CSMD1: variants seen among roughly 807,000 people sequenced by gnomAD.
The protein encoded by CSMD1 is CUB and sushi domain-containing protein 1.
CSMD1 carries 213 observed loss-of-function variants against 417.5 expected under a neutral mutation model. The ratio of observed to expected loss-of-function variants is 0.51; its 90% CI spans 0.46 to 0.57. The LOEUF (loss-of-function observed/expected upper bound fraction) is 0.57, where lower values mean the gene tolerates loss of function less well. Ranked by LOEUF, CSMD1 falls within the 20% of genes least tolerant of loss-of-function variation. The pLI is 0.00. For synonymous variants in CSMD1, 2,862 were observed against 1,736.8 expected (o/e 1.65, Z -16.11); for missense variants, 6,923 against 4,529.7 (o/e 1.53, Z -15.17).
At position 4,813,724 on chromosome 8, in the gene CSMD1, G is replaced by A. The variant is rs372963898; in HGVS notation, c.86-176166C>T. On this transcript the variant is annotated intron_variant, in intron 1 of 69. Transcript: ENST00000635120. ...CCTCAGTAATTCAAGATGGAAACAGGATAAACTACCGACATACAGACTTTA... is the reference window on the plus strand; with the variant it reads ...CCTCAGTAATTCAAGATGGAAACAGAATAAACTACCGACATACAGACTTTA... Among the ~76,000 whole-genome samples the A allele has an allele frequency of 2.6e-5, 4 of 152,262 alleles. No individual in the cohort carries two copies. In the East Asian group the frequency reaches 7.7e-4, roughly 29 times the overall value.
chr8:4,917,489 C>T (rs1376606832), intron 1 of CSMD1, among the ~76,000 whole-genome samples: 1 of 152,076 alleles, frequency 6.6e-6, no homozygotes, highest in Non-Finnish European at 1.5e-5. Flanking sequence ...AAAAAATTAG[C>T]CGGGCATGGT....
intron 18 of CSMD1, among the ~76,000 whole-genome samples, chr8:3,376,762 G>A (rs1363545807): frequency 2.0e-5 from 3 of 149,298 alleles, no homozygotes; most frequent in Admixed American, 6.8e-5. Context: ...TGAGTTTATC[G>A]TGTTTCATGT....
At chr8:3,059,844 G>C (rs1172775177) in intron 49 of CSMD1, among the ~76,000 whole-genome samples, 2 of 152,118 alleles carry the variant, frequency 1.3e-5, no homozygotes. Flanking sequence ...AGTGATTCAA[G>C]CAGTTGGATA....
intron 3 of CSMD1, among the ~76,000 whole-genome samples, chr8:4,388,902 C>T (rs1803652534): frequency 6.6e-6 from 1 of 152,108 alleles, no homozygotes. Context: ...TTCTCTCATC[C>T]AGCTATTTGT....
chr8:3,490,868 GAAA>G (rs151289632), intron 11 of CSMD1, among the ~76,000 whole-genome samples: 17,628 of 151,760 alleles, frequency 0.12, 1,321 homozygotes, highest in East Asian at 0.26. Flanking sequence ...AAAATAAAAA[GAAA>G]AAAATTTTTT....
chr8:3,682,634 T>G (rs148687973), intron 7 of CSMD1, among the ~76,000 whole-genome samples: 21,784 of 152,168 alleles, frequency 0.14, 1,760 homozygotes, highest in South Asian at 0.21. Context: ...GACAGTGTGG[T>G]GATTCCTCAG....
Position 4,420,027 on chromosome 8 carries a change from G to A in CSMD1, c.341C>T (p.Thr114Ile), listed in dbSNP as rs764874337. The change falls in exon 3 of 70, where the codon ACA (threonine) becomes ATA (isoleucine). Residue 114 changes from threonine (T) to isoleucine (I), a missense_variant. Coordinates refer to ENST00000635120, the MANE Select transcript of CSMD1 (RefSeq NM_033225.6). ...GFQLPSSIVSTGSILTLWFTT... is the reference protein window; with the variant it reads ...GFQLPSSIVSIGSILTLWFTT... ...GAACCACAGAGTGAGGATAGATCCT[G>A]TACTCACTATAGAGGAGGGCAGCTG... 6 of 1,581,542 alleles carry A rather than the reference G, an allele frequency of 3.8e-6. No homozygotes were observed. In the African/African-American group the frequency reaches 5.4e-5, roughly 14 times the overall value.
chr8:4,171,849 T>C (rs1424225630), intron 3 of CSMD1, among the ~76,000 whole-genome samples: 2 of 152,194 alleles, frequency 1.3e-5, no homozygotes, highest in Non-Finnish European at 2.9e-5. Context: ...ATGCCCATTA[T>C]GTGTGATTCT....
chr8:4,652,196 G>A (rs1317975564), intron 1 of CSMD1, among the ~76,000 whole-genome samples: 4 of 152,170 alleles, frequency 2.6e-5, no homozygotes, highest in African/African-American at 9.7e-5. Flanking sequence ...CATTAAATAG[G>A]AGTCTTCAAA....
At chr8:4,591,317 T>G (rs1799971637) in intron 2 of CSMD1, among the ~76,000 whole-genome samples, 1 of 152,186 alleles carries the variant, frequency 6.6e-6, no homozygotes, top group Non-Finnish European at 1.5e-5. Flanking sequence ...AAGTGAGTAA[T>G]TCTTTCTGGT....
chr8:3,424,956 C>T (rs270070), intron 12 of CSMD1, among the ~76,000 whole-genome samples: 33,341 of 152,038 alleles, frequency 0.22, 4,070 homozygotes, highest in Non-Finnish European at 0.28. Context: ...GACCTCAGCC[C>T]CTGGAGTGGC....
chr8:4,828,773 G>A (rs904188123), intron 1 of CSMD1, among the ~76,000 whole-genome samples: 4 of 152,118 alleles, frequency 2.6e-5, no homozygotes, highest in African/African-American at 7.2e-5. Context: ...TCATGCCTCA[G>A]TTTCTTTACC....
At position 3,905,509 on chromosome 8, in the gene CSMD1, G is replaced by C. The variant is rs181588168; in HGVS notation, c.818+92394C>G. ...ACGTGTGAAAGATCTCTGTGCACCT[G>C]CTACCCAGCGTTTCTCAACATTCAG... On this transcript the variant is annotated intron_variant, in intron 5 of 69. Transcript: ENST00000635120. Among the ~76,000 whole-genome samples, 31 of 152,348 alleles carry C rather than the reference G, an allele frequency of 2.0e-4. No individual in the cohort carries two copies. The East Asian group carries it at 5.8e-3, about 29-fold the overall frequency.
intron 2 of CSMD1, among the ~76,000 whole-genome samples, chr8:4,470,631 G>A (rs767283488): frequency 3.9e-5 from 6 of 152,146 alleles, no homozygotes; most frequent in Admixed American, 6.5e-5. Flanking sequence ...TTTCCTGTAC[G>A]TTAACCATTT....
chr8:3,069,428 C>A (rs528383648), intron 49 of CSMD1, among the ~76,000 whole-genome samples: 1 of 149,862 alleles, frequency 6.7e-6, no homozygotes, highest in Non-Finnish European at 1.5e-5. Flanking sequence ...GAGTGAGACT[C>A]TGTCTGAAAA....
At chr8:4,186,574 G>A (rs760852658) in intron 3 of CSMD1, among the ~76,000 whole-genome samples, 2 of 152,172 alleles carry the variant, frequency 1.3e-5, no homozygotes, top group Non-Finnish European at 2.9e-5. Flanking sequence ...AATAGGAAGG[G>A]TCTCAGCATT....
intron 3 of CSMD1, among the ~76,000 whole-genome samples, chr8:4,411,591 G>T (rs926416861): frequency 6.6e-6 from 1 of 152,032 alleles, no homozygotes; most frequent in East Asian, 1.9e-4. Context: ...CTAAATAACA[G>T]TTATACGGAG....
At chr8:4,632,802 A>T (rs1456406784) in intron 2 of CSMD1, among the ~76,000 whole-genome samples, 1 of 152,152 alleles carries the variant, frequency 6.6e-6, no homozygotes, top group Admixed American at 6.5e-5. Context: ...TGAAATAAAT[A>T]TAATGTGCAC....
At chr8:3,589,823 A>T (rs1388007811) in intron 8 of CSMD1, among the ~76,000 whole-genome samples, 1 of 152,166 alleles carries the variant, frequency 6.6e-6, no homozygotes, top group Non-Finnish European at 1.5e-5. Flanking sequence ...CCATTTCACA[A>T]TGTATTCATA....
Sources: allele counts gnomAD v4.1 joint callset (sites outside exome capture counted in the v4.1 genomes callset), GRCh38; gene constraint gnomAD v4.1.1; transcripts MANE v1.5; gene names NCBI Gene and HGNC (gene_info 2026-07-23, HGNC 2026-07-21).